Variants in ZFP41 observed in about 807,000 individuals in gnomAD.
The protein encoded by ZFP41 is zinc finger protein 41 homolog.
ZFP41 carries 10 observed loss-of-function variants against 11.6 expected under a neutral mutation model. That is an observed-to-expected ratio of 0.86 (90% confidence interval 0.53 to 1.47). The LOEUF (loss-of-function observed/expected upper bound fraction) is 1.47. Among genes scored for constraint, ZFP41 ranks in the 40% most tolerant of loss-of-function variants. The pLI is 0.00. For synonymous variants in ZFP41, 123 were observed against 100.9 expected (o/e 1.22, Z -1.31); for missense variants, 302 against 264.6 (o/e 1.14, Z -0.98).
At position 143,252,474 on chromosome 8, in the gene ZFP41, G is replaced by A. The variant is rs1464804068; in HGVS notation, c.*900+1134G>A. ...TTCATCAGACGTGTTGCCTGGGGGGGTTCTGCTCTCGGGACCACACACACT... is the reference window on the plus strand; with the variant it reads ...TTCATCAGACGTGTTGCCTGGGGGGATTCTGCTCTCGGGACCACACACACT... On this transcript the variant is annotated intron_variant, in intron 2 of 2. Coordinates refer to ENST00000330701, the MANE Select transcript of ZFP41 (RefSeq NM_173832.6). Among the ~76,000 whole-genome samples the A allele has an allele frequency of 2.0e-5, 3 of 152,376 alleles. No individual in the cohort carries two copies. The East Asian group carries it at 5.8e-4, about 29-fold the overall frequency.
intron 2 of ZFP41, among the ~76,000 whole-genome samples, chr8:143,254,551 T>C: frequency 6.6e-6 from 1 of 151,614 alleles, no homozygotes; most frequent in Non-Finnish European, 1.5e-5. Context: ...CATTCCCTGG[T>C]GGTGTCTGCA....
chr8:143,251,937 G>A lies in ZFP41; in HGVS notation c.*900+597G>A, dbSNP rs529921499. ...ACACGCAGAGTGTGTCTCTTCTCCC[G>A]GCTGCTCCTGCTGCTGGCCTGGACA... On this transcript the variant is annotated intron_variant, in intron 2 of 2. Coordinates refer to ENST00000330701, the MANE Select transcript of ZFP41 (RefSeq NM_173832.6). 3.9e-5 allele frequency among the ~76,000 whole-genome samples: 6 copies of A among 152,254 alleles called. No homozygotes were observed. The South Asian group carries it at 8.3e-4, about 21-fold the overall frequency.
chr8:143,254,436 C>G (rs187219131), intron 2 of ZFP41, among the ~76,000 whole-genome samples: 1 of 152,134 alleles, frequency 6.6e-6, no homozygotes, highest in African/African-American at 2.4e-5. Context: ...GGGGGCGGGA[C>G]AGGGAGCTGC....
intron 2 of ZFP41, among the ~76,000 whole-genome samples, chr8:143,254,728 G>A (rs562249540): frequency 2.3e-4 from 34 of 148,800 alleles, no homozygotes; most frequent in African/African-American, 3.7e-4. Context: ...CACCTCCCGC[G>A]GTCAAGCGAT....
intron 2 of ZFP41, among the ~76,000 whole-genome samples, chr8:143,256,411 C>T (rs1381003127): frequency 1.3e-5 from 2 of 151,816 alleles, no homozygotes; most frequent in African/African-American, 4.8e-5. Flanking sequence ...AGGGCTCGCC[C>T]CGCGTGCTGG....
intron 2 of ZFP41, among the ~76,000 whole-genome samples, chr8:143,253,992 G>A (rs1476818408): frequency 1.3e-5 from 2 of 152,134 alleles, no homozygotes; most frequent in Admixed American, 6.5e-5. Context: ...TGCAGTTCAC[G>A]GTGGGGTTCG....
Position 143,250,145 on chromosome 8 carries a change from A to G in ZFP41, c.302A>G (p.Asp101Gly). The G allele has an allele frequency of 6.2e-7, 1 of 1,614,068 alleles. No individual in the cohort carries two copies. Among genetic ancestry groups the G allele is most frequent in the Non-Finnish European group, 8.5e-7 (1 of 1,180,010 alleles). The change falls in exon 2 of 3, where the codon GAC becomes GGC. Residue 101 changes from aspartate to glycine, a missense_variant. By Grantham distance (94) the Asp-to-Gly change is moderately conservative. Coordinates refer to ENST00000330701, the MANE Select transcript of ZFP41 (RefSeq NM_173832.6). ...ECGRIFKHKT[D>G]HIRHQRVHTG... ...GGGCGGATCTTTAAGCACAAGACAG[A>G]CCACATTCGCCATCAGAGGGTCCAC...
At chr8:143,257,969 G>A (rs917275680) in intron 2 of ZFP41, among the ~76,000 whole-genome samples, 2 of 152,224 alleles carry the variant, frequency 1.3e-5, no homozygotes, top group Admixed American at 6.5e-5. Context: ...TGAAGTGAGT[G>A]TAATCTGGAT....
chr8:143,255,303 C>T (rs1409528348), intron 2 of ZFP41, among the ~76,000 whole-genome samples: 2 of 152,232 alleles, frequency 1.3e-5, no homozygotes, highest in Non-Finnish European at 2.9e-5. Context: ...AGTGCTTAAC[C>T]CCACAGGGTT....
At position 143,250,294 on chromosome 8, in the gene ZFP41, G is replaced by A. The variant is rs1816777552; in HGVS notation, c.451G>A (p.Ala151Thr). Residue 151 changes from alanine to threonine, a missense_variant, in exon 2 of 3, where the codon GCC (alanine) becomes ACC (threonine). Physicochemically the swap from Ala to Thr is moderately conservative, Grantham distance 58. Coordinates refer to ENST00000330701, the MANE Select transcript of ZFP41 (RefSeq NM_173832.6). ...KPFKCGECGK[A>T]FNCGSNLLKH... Reference sequence around the variant, plus strand: ...CTTCAAATGCGGGGAGTGCGGGAAAGCCTTTAACTGCGGCTCCAATCTCCT... The same window carrying A: ...CTTCAAATGCGGGGAGTGCGGGAAAACCTTTAACTGCGGCTCCAATCTCCT... 4 of 1,613,960 alleles carry A rather than the reference G, an allele frequency of 2.5e-6. No homozygotes were observed. The highest frequency in any genetic ancestry group is 1.7e-5 in the Admixed American group (1 of 60,008).
chr8:143,252,268 AT>A (rs1309961954), intron 2 of ZFP41, among the ~76,000 whole-genome samples: 2 of 152,284 alleles, frequency 1.3e-5, no homozygotes, highest in African/African-American at 4.8e-5. Context: ...GCAGGGCAGC[AT>A]CTCCCAGATG....
intron 1 of ZFP41, chr8:143,249,189 G>A (rs1816746811): frequency 6.6e-6 from 1 of 152,474 alleles, no homozygotes; most frequent in Non-Finnish European, 1.5e-5. Flanking sequence ...GAGGTGGGAA[G>A]GATGTGACAT....
chr8:143,257,867 C>G (rs964990543), intron 2 of ZFP41, among the ~76,000 whole-genome samples: 1 of 152,236 alleles, frequency 6.6e-6, no homozygotes, highest in East Asian at 1.9e-4. Flanking sequence ...CAAAGAACAC[C>G]AAGTCCAGGT....
intron 2 of ZFP41, among the ~76,000 whole-genome samples, chr8:143,258,164 A>G (rs563107825): frequency 2.6e-5 from 4 of 152,330 alleles, no homozygotes; most frequent in East Asian, 3.9e-4. Flanking sequence ...CATTTCTAAT[A>G]AAAATTAAAA....
In ZFP41 at chr8:143,247,059, C is replaced by T. The variant is rs1201037731; in HGVS notation, c.-238C>T. On this transcript the variant is annotated 5_prime_UTR_variant, in exon 1 of 3. Transcript: ENST00000330701. ...CCCCCGCGAGGGGCGCGCGCCTCTC[C>T]CCGCCCTCCAGCAGTCCTGGTAGGG... is the stretch of plus-strand genomic sequence containing the variant. The T allele has an allele frequency of 1.3e-5, 2 of 152,546 alleles. No homozygotes were observed. Among genetic ancestry groups the T allele is most frequent in the Non-Finnish European group, 1.5e-5 (1 of 68,320 alleles). 9.4% of individuals were successfully genotyped at this position (152,546 alleles called of 1,614,324 possible).
rs199804873 is a variant in ZFP41 at position 143,250,192 on chromosome 8, T to C, written c.349T>C (p.Cys117Arg). 3.2e-4 allele frequency: 511 copies of C among 1,614,006 alleles called. No individual in the cohort carries two copies. The highest frequency in any genetic ancestry group is 4.6e-5 in the Non-Finnish European group (54 of 1,180,012). ...RVHTGEKPFK[C>R]AQCGKAFRHS... ...CCACACTGGAGAGAAGCCCTTCAAGTGTGCGCAGTGCGGGAAGGCCTTCCG... is the reference window on the plus strand; with the variant it reads ...CCACACTGGAGAGAAGCCCTTCAAGCGTGCGCAGTGCGGGAAGGCCTTCCG... The change falls in exon 2 of 3, where the codon TGT (cysteine) becomes CGT (arginine). Residue 117 changes from cysteine to arginine, a missense_variant. Physicochemically the swap from Cys to Arg is radical, Grantham distance 180 (BLOSUM62 -3). Transcript: ENST00000330701.
chr8:143,248,673 C>G (rs1262169761), intron 1 of ZFP41, among the ~76,000 whole-genome samples: 1 of 129,588 alleles, frequency 7.7e-6, no homozygotes, highest in African/African-American at 2.5e-5. Flanking sequence ...GATCCTCTAT[C>G]CTGGGCACCA....
Position 143,250,598 on chromosome 8 carries a change from G to A in ZFP41, c.*158G>A. On this transcript the variant is annotated 3_prime_UTR_variant, in exon 2 of 3. Transcript: ENST00000330701. ...GGAAAAGCAGCCCAGTCAGATGTGG[G>A]AACGTGCCAGCGAGGGAGAGACCTT... 3 of 1,211,314 alleles carry A rather than the reference G, an allele frequency of 2.5e-6. No homozygotes were observed. Among genetic ancestry groups the A allele is most frequent in the Non-Finnish European group, 3.4e-6 (3 of 877,056 alleles). The allele number at this position is 1,211,314 out of a possible 1,614,324, so 75.0% of individuals were successfully genotyped here. A position where few individuals can be genotyped will look rare whatever the true frequency, so the allele number is the denominator to read the frequency against.
chr8:143,254,582 G>T (rs1391818948), intron 2 of ZFP41, among the ~76,000 whole-genome samples: 8 of 151,400 alleles, frequency 5.3e-5, no homozygotes, highest in African/African-American at 1.9e-4. Flanking sequence ...TTTTACTTAT[G>T]ATAGTATGAT....
Sources: allele counts gnomAD v4.1 joint callset (sites outside exome capture counted in the v4.1 genomes callset), GRCh38; gene constraint gnomAD v4.1.1; transcripts MANE v1.5; gene names NCBI Gene and HGNC (gene_info 2026-07-23, HGNC 2026-07-21).